The following ANKRD26 variants were observed in gnomAD, a reference collection of about 807,000 sequenced individuals.
ANKRD26 encodes ankyrin repeat domain-containing protein 26.
In ANKRD26, 141 loss-of-function variants were observed where a neutral mutation model predicts 208.7. The observed-to-expected ratio is 0.68, with a 90% confidence interval of 0.59 to 0.78. The LOEUF (loss-of-function observed/expected upper bound fraction) is 0.78. Among genes scored for constraint, ANKRD26 ranks in the 30% least tolerant of loss-of-function variants. The pLI is 0.00. For synonymous variants in ANKRD26, 636 were observed against 660.4 expected (o/e 0.96, Z 0.57); for missense variants, 1,889 against 1,938.7 (o/e 0.97, Z 0.48).
At position 27,043,468 on chromosome 10, in the gene ANKRD26, T is replaced by G. The variant is rs745516025; in HGVS notation, c.2119A>C (p.Asn707His). 3.1e-6 allele frequency: 5 copies of G among 1,613,906 alleles called. No homozygotes were observed. The African/African-American group carries it at 6.7e-5, about 22-fold the overall frequency. ...DCELPHSSYK[N>H]FMLLIEQLGM... ...AGTTGTTCAATGAGCAACATAAAATTCTTGTAACTAGAGTGGGGTAGCTCA... is the reference window on the plus strand; with the variant it reads ...AGTTGTTCAATGAGCAACATAAAATGCTTGTAACTAGAGTGGGGTAGCTCA... Residue 707 changes from asparagine to histidine, a missense_variant, in exon 20 of 34, where the codon AAT becomes CAT. Physicochemically the swap from Asn to His is moderately conservative, Grantham distance 68. Coordinates refer to ENST00000376087, the MANE Select transcript of ANKRD26 (RefSeq NM_014915.3).
intron 16 of ANKRD26, among the ~76,000 whole-genome samples, chr10:27,052,606 G>T (rs1295664257): frequency 6.6e-6 from 1 of 152,040 alleles, no homozygotes; most frequent in African/African-American, 2.4e-5. Context: ...TTATGCATCT[G>T]TATAAACTAT....
chr10:27,074,023 C>A (rs780241342), intron 9 of ANKRD26, among the ~76,000 whole-genome samples: 2 of 151,762 alleles, frequency 1.3e-5, no homozygotes, highest in African/African-American at 2.4e-5. Flanking sequence ...TAAAAAAAAA[C>A]CCAGTCAAAT....
chr10:27,094,528 T>G (rs2056404021), intron 1 of ANKRD26, among the ~76,000 whole-genome samples: 1 of 152,218 alleles, frequency 6.6e-6, no homozygotes, highest in Non-Finnish European at 1.5e-5. Context: ...AAATAGTAGC[T>G]ATCTCATAGG....
intron 31 of ANKRD26, 37 bp from the exon 32 acceptor site, chr10:27,013,147 AC>A: frequency 6.4e-7 from 1 of 1,571,872 alleles, no homozygotes; most frequent in Non-Finnish European, 8.7e-7. Context: ...TTAGTATTTT[AC>A]TTTTCCCTAA....
At chr10:27,019,532 T>G (rs2053417749) in intron 29 of ANKRD26, among the ~76,000 whole-genome samples, 1 of 152,132 alleles carries the variant, frequency 6.6e-6, no homozygotes, top group Non-Finnish European at 1.5e-5. Flanking sequence ...CTAGAAGCTT[T>G]AATTCTTCTA....
chr10:27,062,784 T>C (rs2055106930), intron 12 of ANKRD26, among the ~76,000 whole-genome samples: 1 of 151,904 alleles, frequency 6.6e-6, no homozygotes, highest in East Asian at 1.9e-4. Context: ...TTTTTTTTTT[T>C]TGAGACAGAA....
rs564102092 is a variant in ANKRD26 at position 27,034,685 on chromosome 10, A to G, written c.3654+111T>C. On this transcript the variant is annotated intron_variant, in intron 24 of 33. Transcript: ENST00000376087. Reference sequence around the variant, plus strand: ...GAAAACAAGGGATGTTTCTAAACTGATAGAGTAAATAAGCTTATCTATTTA... The same window carrying G: ...GAAAACAAGGGATGTTTCTAAACTGGTAGAGTAAATAAGCTTATCTATTTA... The G allele has an allele frequency of 2.5e-5, 17 of 675,784 alleles. No homozygotes were observed. The South Asian group carries it at 4.1e-4, about 16-fold the overall frequency. The allele number at this position is 675,784 out of a possible 1,614,324, so 41.9% of individuals were successfully genotyped here.
At chr10:27,051,149 C>T (rs1396653949) in intron 16 of ANKRD26, 1 of 1,290,102 alleles carries the variant, frequency 7.8e-7, no homozygotes, top group African/African-American at 1.5e-5. Flanking sequence ...GCATATCTTG[C>T]TGTAATTCTT....
At chr10:26,987,327 GT>G (rs1274313034), downstream of ANKRD26, among the ~76,000 whole-genome samples, 2 of 152,164 alleles carry the variant, frequency 1.3e-5, no homozygotes, top group South Asian at 2.1e-4. Context: ...TATACCTAAT[GT>G]TAAATGACCA....
At chr10:26,978,401 A>G (rs1386824922) in intron 5 of ANKRD26, among the ~76,000 whole-genome samples, 2 of 152,170 alleles carry the variant, frequency 1.3e-5, no homozygotes, top group African/African-American at 4.8e-5. Flanking sequence ...GGTTGCAGTG[A>G]GCCAAGATCA....
intron 1 of ANKRD26, among the ~76,000 whole-genome samples, chr10:27,098,320 T>C (rs1312666892): frequency 1.3e-5 from 2 of 151,470 alleles, no homozygotes; most frequent in African/African-American, 4.9e-5. Context: ...CAAGATCCCC[T>C]TTACTTCTGA....
the ANKRD26 span, among the ~76,000 whole-genome samples, chr10:26,965,147 G>A: frequency 6.6e-6 from 1 of 152,006 alleles, no homozygotes; most frequent in Non-Finnish European, 1.5e-5. Context: ...AGTTCATATG[G>A]AACCAAAAAA....
At chr10:27,022,493 A>C in intron 29 of ANKRD26, 65 bp downstream of exon 29, 1 of 1,275,792 alleles carries the variant, frequency 7.8e-7, no homozygotes, top group Non-Finnish European at 1.1e-6. Flanking sequence ...TGTTCAAAGC[A>C]TTGAGAAGTC....
intron 16 of ANKRD26, among the ~76,000 whole-genome samples, chr10:27,052,614 T>C (rs1038944760): frequency 5.3e-5 from 8 of 152,282 alleles, no homozygotes; most frequent in African/African-American, 1.2e-4. Context: ...CTGTATAAAC[T>C]ATATAAGACT....
At position 27,024,546 on chromosome 10, in the gene ANKRD26, T is replaced by C; in HGVS notation, c.3986A>G (p.Lys1329Arg). 1.3e-6 allele frequency: 2 copies of C among 1,557,532 alleles called. No homozygotes were observed. The highest frequency in any genetic ancestry group is 8.8e-7 in the Non-Finnish European group (1 of 1,131,556). ...TTCCATAAGTTTCTTTAATTGTTCC[T>C]TTTCATCTTCAGACTTTGAAACAAA... is the stretch of plus-strand genomic sequence containing the variant. ...LLNANLSEDEKEQLKKLMELK... is the reference protein window; with the variant it reads ...LLNANLSEDEREQLKKLMELK... The change falls in exon 28 of 34, where the codon AAG (lysine) becomes AGG (arginine). Residue 1329 changes from lysine to arginine, a missense_variant. Physicochemically the swap from Lys to Arg is conservative, Grantham distance 26. Coordinates refer to ENST00000376087, the MANE Select transcript of ANKRD26 (RefSeq NM_014915.3).
chr10:26,967,241 C>G, the ANKRD26 span, among the ~76,000 whole-genome samples: 1 of 152,150 alleles, frequency 6.6e-6, no homozygotes, highest in South Asian at 2.1e-4. Context: ...CCTCCCATAG[C>G]TAAAGGACAG....
chr10:27,037,518 C>T (rs539610595), intron 22 of ANKRD26, among the ~76,000 whole-genome samples, 195 bp from the exon 23 acceptor site: 2 of 152,136 alleles, frequency 1.3e-5, no homozygotes, highest in Non-Finnish European at 2.9e-5. Context: ...AAAAATGGTT[C>T]TTAATAAATA....
chr10:27,022,146 T>C (rs890248233), intron 29 of ANKRD26, among the ~76,000 whole-genome samples: 1 of 152,154 alleles, frequency 6.6e-6, no homozygotes, highest in Admixed American at 6.5e-5. Context: ...CCATTATCCT[T>C]AGTAAACTAA....
At chr10:27,034,518 T>C (rs1265507405) in intron 24 of ANKRD26, among the ~76,000 whole-genome samples, 1 of 152,186 alleles carries the variant, frequency 6.6e-6, no homozygotes, top group Non-Finnish European at 1.5e-5. Flanking sequence ...AAATTATTAC[T>C]TCAGCAGTAA....
Sources: allele counts gnomAD v4.1 joint callset (sites outside exome capture counted in the v4.1 genomes callset), GRCh38; gene constraint gnomAD v4.1.1; transcripts MANE v1.5; gene names NCBI Gene and HGNC (gene_info 2026-07-23, HGNC 2026-07-21).